MYO5C: variants seen among roughly 807,000 people sequenced by gnomAD.
MYO5C encodes myosin VC, also known as unconventional myosin-Vc.
MYO5C carries 194 observed loss-of-function variants against 235.7 expected under a neutral mutation model. The observed-to-expected ratio is 0.82, with a 90% CI of 0.73 to 0.93. The LOEUF (loss-of-function observed/expected upper bound fraction) is 0.93, where lower values mean the gene tolerates loss of function less well. MYO5C is among the 40% of genes least tolerant of loss of function. The pLI is 0.00. For synonymous variants in MYO5C, 707 were observed against 754.8 expected (o/e 0.94, Z 1.04); for missense variants, 2,038 against 2,127.2 (o/e 0.96, Z 0.82).
chr15:52,275,843 CTCAA>C (rs777597475), intron 4 of MYO5C, 125 bp from the exon 5 acceptor site: 9 of 928,144 alleles, frequency 9.7e-6, no homozygotes, highest in African/African-American at 3.3e-5. Flanking sequence ...ATTTTTAAAT[CTCAA>C]TCAATTTCCT....
At chr15:52,214,511 G>A (rs1310952826) in intron 33 of MYO5C, 92 bp downstream of exon 33, 2 of 929,476 alleles carry the variant, frequency 2.2e-6, no homozygotes, top group Non-Finnish European at 1.6e-6. Flanking sequence ...ATTCCTTTGG[G>A]TTTCATAAGC....
At chr15:52,231,834 T>C (rs2035957834) in intron 24 of MYO5C, among the ~76,000 whole-genome samples, 1 of 152,174 alleles carries the variant, frequency 6.6e-6, no homozygotes, top group East Asian at 1.9e-4. Context: ...GAAGCCCAGA[T>C]TGGAGTCCTT....
Position 52,192,839 on chromosome 15 carries a change from T to G in MYO5C, c.*1063A>C, listed in dbSNP as rs1438136596. 7.0e-6 allele frequency: 1 copy of G among 142,032 alleles called. No individual in the cohort carries two copies. Among genetic ancestry groups the G allele is most frequent in the Non-Finnish European group, 1.6e-5 (1 of 63,030 alleles). 8.8% of individuals were successfully genotyped at this position (142,032 alleles called of 1,614,324 possible). The stretch of plus-strand genomic sequence containing the variant: ...TCAATCTGAGGTTGTTTTAAAAAAG[T>G]TATTGTATGAAAGGTATTAAAAAAT... On this transcript the variant is annotated 3_prime_UTR_variant, in exon 41 of 41. Coordinates refer to ENST00000261839, the MANE Select transcript of MYO5C (RefSeq NM_018728.4).
chr15:52,229,737 C>T (rs977600615), intron 24 of MYO5C, among the ~76,000 whole-genome samples: 2 of 152,234 alleles, frequency 1.3e-5, no homozygotes, highest in African/African-American at 4.8e-5. Context: ...TTAGAACCTA[C>T]TGTGACAGTT....
chr15:52,277,599 T>C (rs1457938395), intron 4 of MYO5C, among the ~76,000 whole-genome samples: 1 of 152,156 alleles, frequency 6.6e-6, no homozygotes, highest in Non-Finnish European at 1.5e-5. Flanking sequence ...GACGAGCTGT[T>C]AGAAGTGCTT....
chr15:52,263,710 C>G (rs116633262), intron 9 of MYO5C, among the ~76,000 whole-genome samples: 3 of 152,168 alleles, frequency 2.0e-5, no homozygotes, highest in Non-Finnish European at 4.4e-5. Flanking sequence ...TGCCACCCAC[C>G]ACCTTCTCAG....
chr15:52,229,569 A>G (rs1863996395), intron 24 of MYO5C, among the ~76,000 whole-genome samples: 1 of 152,190 alleles, frequency 6.6e-6, no homozygotes, highest in African/African-American at 2.4e-5. Flanking sequence ...GGCTGCAGTG[A>G]GCTGAGATCG....
At chr15:52,264,137 A>C (rs1311649362) in intron 9 of MYO5C, 53 bp downstream of exon 9, 8 of 1,382,244 alleles carry the variant, frequency 5.8e-6, no homozygotes, top group Non-Finnish European at 8.1e-6. Flanking sequence ...GCTGCGAGCC[A>C]GTTCCACTAT....
Position 52,225,313 on chromosome 15 carries a change from T to G in MYO5C, c.3301+126A>C, listed in dbSNP as rs927097991. On this transcript the variant is annotated intron_variant, in intron 26 of 40. Coordinates refer to ENST00000261839, the MANE Select transcript of MYO5C (RefSeq NM_018728.4). ...TATTCAACCAACTAGCTATTCAACC[T>G]ATCAACTAAGCAATCTACCATATGT... The G allele has an allele frequency of 4.4e-5, 46 of 1,057,158 alleles. No homozygotes were observed. In the African/African-American group the frequency reaches 6.7e-4, roughly 15 times the overall value. 65.5% of individuals were successfully genotyped at this position (1,057,158 alleles called of 1,614,324 possible). A position where few individuals can be genotyped will look rare whatever the true frequency, so the allele number is the denominator to read the frequency against.
intron 1 of MYO5C, among the ~76,000 whole-genome samples, chr15:52,291,743 T>TG (rs2037397135): frequency 1.1e-5 from 1 of 93,818 alleles, no homozygotes; most frequent in Non-Finnish European, 2.4e-5. Flanking sequence ...TTTTTTTTTT[T>TG]TTTTTTTTTT....
At position 52,264,234 on chromosome 15, in the gene MYO5C, T is replaced by G. The variant is rs1328301249; in HGVS notation, c.1003A>C (p.Asn335His). The G allele has an allele frequency of 3.1e-6, 5 of 1,614,054 alleles. No individual in the cohort carries two copies. The highest frequency in any genetic ancestry group is 1.3e-5 in the African/African-American group (1 of 74,940). Residue 335 changes from asparagine to histidine, a missense_variant, in exon 9 of 41, where the codon AAT (asparagine) becomes CAT (histidine). Coordinates refer to ENST00000261839, the MANE Select transcript of MYO5C (RefSeq NM_018728.4). ...TTGCCCACCGCGGTGATCTGCACAT[T>G]GCCCAGATGTAGGATGGCTGCCAGG... ...KILAAILHLG[N>H]VQITAVGNER...
At chr15:52,259,703 G>A (rs17650635) in intron 10 of MYO5C, among the ~76,000 whole-genome samples, 8,677 of 152,276 alleles carry the variant, frequency 0.057, 897 homozygotes, top group East Asian at 0.49. Context: ...CTGTTGACAC[G>A]TACTATTAAT....
At chr15:52,204,406 C>T (rs1196952008) in intron 38 of MYO5C, among the ~76,000 whole-genome samples, 2 of 152,006 alleles carry the variant, frequency 1.3e-5, no homozygotes, top group Non-Finnish European at 2.9e-5. Flanking sequence ...TCTGCAATGT[C>T]TCTCCTCTCT....
At chr15:52,202,101 G>A (rs910987807) in intron 38 of MYO5C, among the ~76,000 whole-genome samples, 5 of 152,026 alleles carry the variant, frequency 3.3e-5, no homozygotes, top group African/African-American at 1.2e-4. Flanking sequence ...TCCCCATTTG[G>A]AAGCATAGAT....
rs2036375024 is a variant in MYO5C at position 52,247,469 on chromosome 15, C to G, written c.1870G>C (p.Val624Leu). 6.2e-7 allele frequency: 1 copy of G among 1,614,050 alleles called. No individual in the cohort carries two copies. The highest frequency in any genetic ancestry group is 1.3e-5 in the African/African-American group (1 of 74,922). The change falls in exon 15 of 41, where the codon GTT becomes CTT. Residue 624 changes from valine to leucine, a missense_variant. Coordinates refer to ENST00000261839, the MANE Select transcript of MYO5C (RefSeq NM_018728.4). ...CACCTTCTCAGTACCTTGCTCCCAA[C>G]TGTGGTCCGGAAATGCTTGCTGTTT... Reference protein sequence around the residue: ...KPNSKHFRTTVGSKFRSSLYL... With the variant: ...KPNSKHFRTTLGSKFRSSLYL...
At chr15:52,251,979 A>C (rs2036482856) in intron 12 of MYO5C, among the ~76,000 whole-genome samples, 1 of 152,102 alleles carries the variant, frequency 6.6e-6, no homozygotes, top group Admixed American at 6.6e-5. Flanking sequence ...GAGGCTTTTA[A>C]AAAAGCAACT....
intron 34 of MYO5C, among the ~76,000 whole-genome samples, chr15:52,212,126 G>A (rs2035455040): frequency 6.6e-6 from 1 of 152,200 alleles, no homozygotes; most frequent in South Asian, 2.1e-4. Context: ...GGTTGAATAA[G>A]AGACAGAATC....
At position 52,193,768 on chromosome 15, in the gene MYO5C, G is replaced by GCGGAGGTTTC; in HGVS notation, c.*133_*134insGAAACCTCCG. 2.3e-6 allele frequency: 2 copies of GCGGAGGTTTC among 863,138 alleles called. No individual in the cohort carries two copies. The highest frequency in any genetic ancestry group is 3.6e-6 in the Non-Finnish European group (2 of 559,500). 53.5% of individuals were successfully genotyped at this position (863,138 alleles called of 1,614,324 possible). On this transcript the variant is annotated 3_prime_UTR_variant, in exon 41 of 41. Transcript: ENST00000261839. ...ATTGTCACTGTGAGTGAGAGATGAT[G>GCGGAGGTTTC]TGGTCCATTTGAGAAAAGTCTGTTT...
chr15:52,203,746 T>C (rs998762194), intron 38 of MYO5C, among the ~76,000 whole-genome samples: 1 of 152,226 alleles, frequency 6.6e-6, no homozygotes, highest in African/African-American at 2.4e-5. Flanking sequence ...CTCTTTTTTT[T>C]GTACCCATTA....
Sources: allele counts gnomAD v4.1 joint callset (sites outside exome capture counted in the v4.1 genomes callset), GRCh38; gene constraint gnomAD v4.1.1; transcripts MANE v1.5; gene names NCBI Gene and HGNC (gene_info 2026-07-23, HGNC 2026-07-21).